Variants in ARSB observed in about 807,000 individuals in gnomAD.
ARSB encodes arylsulfatase B.
Under a neutral mutation model 50.9 loss-of-function variants are expected in ARSB, and 41 were observed. The ratio of observed to expected loss-of-function variants is 0.81; its 90% confidence interval spans 0.63 to 1.04. ARSB has a LOEUF of 1.04. Ranked by LOEUF, ARSB falls within the 50% of genes least tolerant of loss-of-function variation. The probability of loss-of-function intolerance (pLI) is 0.00; values close to 1 mark genes in which losing one functional copy is unlikely to be tolerated. For synonymous variants in ARSB, 269 were observed against 284.8 expected (o/e 0.94, Z 0.56); for missense variants, 672 against 693.3 (o/e 0.97, Z 0.35).
At chr5:78,839,776 C>T (rs1169165653) in intron 5 of ARSB, among the ~76,000 whole-genome samples, 1 of 152,184 alleles carries the variant, frequency 6.6e-6, no homozygotes, top group Non-Finnish European at 1.5e-5. Context: ...TCATACTGAA[C>T]ACTTACGAGT....
intron 4 of ARSB, among the ~76,000 whole-genome samples, chr5:78,915,001 TTTTTCTAGTAA>T (rs1224689967): frequency 1.3e-5 from 2 of 152,258 alleles, no homozygotes; most frequent in Non-Finnish European, 2.9e-5. Context: ...GTTCCTATTA[TTTTTCTAGTAA>T]TTTGCCAGGC....
chr5:78,792,633 T>C (rs1392068542), intron 6 of ARSB, among the ~76,000 whole-genome samples: 1 of 152,082 alleles, frequency 6.6e-6, no homozygotes, highest in Non-Finnish European at 1.5e-5. Flanking sequence ...ATAGAATGAG[T>C]GTGAAGAGGA....
chr5:78,829,806 A>G (rs970196978), intron 6 of ARSB, among the ~76,000 whole-genome samples: 1 of 152,240 alleles, frequency 6.6e-6, no homozygotes, highest in Non-Finnish European at 1.5e-5. Flanking sequence ...ATTTCATTGG[A>G]TATGTTCCCT....
chr5:78,841,073 T>A (rs766099084), intron 5 of ARSB, among the ~76,000 whole-genome samples: 4 of 151,754 alleles, frequency 2.6e-5, no homozygotes, highest in Non-Finnish European at 5.9e-5. Flanking sequence ...GATGGGAGGA[T>A]CCCTTGAGGC....
intron 4 of ARSB, among the ~76,000 whole-genome samples, chr5:78,891,164 G>A (rs542762525): frequency 6.6e-6 from 1 of 152,276 alleles, no homozygotes; most frequent in East Asian, 1.9e-4. Flanking sequence ...CGAAAATAGA[G>A]GTTAAAGGCA....
At chr5:78,853,449 G>A (rs1745953398) in intron 5 of ARSB, among the ~76,000 whole-genome samples, 4 of 152,198 alleles carry the variant, frequency 2.6e-5, no homozygotes. Context: ...GGCCGTGTGA[G>A]GTGTCAGTCT....
chr5:78,872,881 C>T (rs1186739660), intron 5 of ARSB, among the ~76,000 whole-genome samples: 1 of 149,294 alleles, frequency 6.7e-6, no homozygotes, highest in Non-Finnish European at 1.5e-5. Context: ...TATAGCAATA[C>T]ACAGCGCTCT....
intron 4 of ARSB, among the ~76,000 whole-genome samples, chr5:78,933,583 T>C (rs1750442533): frequency 6.6e-6 from 1 of 150,666 alleles, no homozygotes; most frequent in Admixed American, 6.6e-5. Context: ...ATGGGGACAC[T>C]GGGACTATCA....
intron 6 of ARSB, among the ~76,000 whole-genome samples, chr5:78,825,349 T>A (rs1264237792): frequency 6.6e-6 from 1 of 152,226 alleles, no homozygotes; most frequent in Non-Finnish European, 1.5e-5. Context: ...CTGTCATTAT[T>A]TTCATTTAAA....
chr5:78,795,678 T>C lies in ARSB; in HGVS notation c.1214-13704A>G, dbSNP rs73120678. Among the ~76,000 whole-genome samples, 1,007 of 152,246 alleles carry C rather than the reference T, an allele frequency of 6.6e-3. 15 individuals carry two copies. Among genetic ancestry groups the C allele is most frequent in the African/African-American group, 0.023 (964 of 41,542 alleles). The stretch of plus-strand genomic sequence containing the variant: ...CACGAAACAGGAGTGTTGGGAAAAA[T>C]ATGCCAGACATGAAGCTAATCAGAA... On this transcript the variant is annotated intron_variant, in intron 6 of 7. Transcript: ENST00000264914.
chr5:78,891,230 C>A lies in ARSB; in HGVS notation c.899-5403G>T, dbSNP rs1047293227. Among the ~76,000 whole-genome samples the A allele has an allele frequency of 2.6e-4, 40 of 152,340 alleles. 1 individual carries two copies. Among genetic ancestry groups the A allele is most frequent in the African/African-American group, 9.6e-4 (40 of 41,582 alleles). ...TTTTCTAAGCCTTTGTCCAGCTACTCTGTGACCTTGACTTTTCATTGGCTA... is the reference window on the plus strand; with the variant it reads ...TTTTCTAAGCCTTTGTCCAGCTACTATGTGACCTTGACTTTTCATTGGCTA... On this transcript the variant is annotated intron_variant, in intron 4 of 7. Transcript: ENST00000264914.
At chr5:78,793,342 C>T (rs1743049948) in intron 6 of ARSB, among the ~76,000 whole-genome samples, 1 of 152,184 alleles carries the variant, frequency 6.6e-6, no homozygotes, top group Admixed American at 6.5e-5. Flanking sequence ...CATTCAACTC[C>T]CACTCCTTAG....
At position 78,834,607 on chromosome 5, in the gene ARSB, G is replaced by A. The variant is rs868424732; in HGVS notation, c.1213+4749C>T. Among the ~76,000 whole-genome samples the A allele has an allele frequency of 1.5e-3, 132 of 85,622 alleles. 3 individuals carry two copies. The highest frequency in any genetic ancestry group is 2.4e-3 in the African/African-American group (60 of 25,202). The allele number at this position is 85,622 out of a possible 152,430, so 56.2% of individuals were successfully genotyped here. ...ATACTATTTCATGGTATATATATGT[G>A]TATATATATATATATATATATATAT... On this transcript the variant is annotated intron_variant, in intron 6 of 7. Transcript: ENST00000264914.
intron 1 of ARSB, among the ~76,000 whole-genome samples, chr5:78,971,216 G>T (rs1752440568): frequency 6.6e-6 from 1 of 152,122 alleles, no homozygotes; most frequent in Non-Finnish European, 1.5e-5. Flanking sequence ...GGCATGACAG[G>T]GTATCCCTCC....
intron 4 of ARSB, among the ~76,000 whole-genome samples, chr5:78,939,329 G>C (rs1463718216): frequency 6.6e-6 from 1 of 150,410 alleles, no homozygotes; most frequent in Non-Finnish European, 1.5e-5. Context: ...TGTGCATAAC[G>C]TGCAGGTTTG....
At chr5:78,954,310 C>T (rs447998) in intron 4 of ARSB, among the ~76,000 whole-genome samples, 33,351 of 152,052 alleles carry the variant, frequency 0.22, 3,993 homozygotes, top group Admixed American at 0.3. Context: ...TGATGATCTA[C>T]ACCCAAAGCA....
intron 5 of ARSB, among the ~76,000 whole-genome samples, chr5:78,849,940 A>G (rs1369198582): frequency 6.6e-6 from 1 of 151,542 alleles, no homozygotes; most frequent in Admixed American, 6.6e-5. Flanking sequence ...GAAGTTGCTT[A>G]TCAGCTTAAG....
At chr5:78,896,705 C>A (rs1748579839) in intron 4 of ARSB, among the ~76,000 whole-genome samples, 4 of 152,164 alleles carry the variant, frequency 2.6e-5, no homozygotes, top group South Asian at 4.2e-4. Flanking sequence ...TATGTAATAG[C>A]AACTATAATG....
intron 4 of ARSB, among the ~76,000 whole-genome samples, chr5:78,916,781 C>T (rs78241543): frequency 6.2e-4 from 94 of 152,210 alleles, no homozygotes; most frequent in African/African-American, 2.1e-3. Flanking sequence ...TTGGGGGGAT[C>T]TTTTTGGCCT....
Sources: allele counts gnomAD v4.1 joint callset (sites outside exome capture counted in the v4.1 genomes callset), GRCh38; gene constraint gnomAD v4.1.1; transcripts MANE v1.5; gene names NCBI Gene and HGNC (gene_info 2026-07-23, HGNC 2026-07-21).